GPRC5A: variants seen among roughly 807,000 people sequenced by gnomAD.
The protein encoded by GPRC5A is G protein-coupled receptor class C group 5 member A, also known as retinoic acid-induced protein 3.
Under a neutral mutation model 22.5 loss-of-function variants are expected in GPRC5A, and 19 were observed. The observed-to-expected ratio is 0.85, with a 90% CI of 0.59 to 1.24. The LOEUF (loss-of-function observed/expected upper bound fraction) is 1.24. Among genes scored for constraint, GPRC5A ranks in the 50% most tolerant of loss-of-function variants. GPRC5A has a pLI of 0.00. For synonymous variants in GPRC5A, 192 were observed against 184.5 expected (o/e 1.04, Z -0.33); for missense variants, 471 against 451.1 (o/e 1.04, Z -0.40).
At chr12:12,898,134 T>C (rs1183059864) in intron 1 of GPRC5A, among the ~76,000 whole-genome samples, 2 of 152,168 alleles carry the variant, frequency 1.3e-5, no homozygotes, top group Non-Finnish European at 2.9e-5. Context: ...GAGCCTGGCT[T>C]TTAAGAGTCA....
chr12:12,896,460 A>G (rs534775445), intron 1 of GPRC5A, among the ~76,000 whole-genome samples: 23 of 152,368 alleles, frequency 1.5e-4, no homozygotes, highest in Non-Finnish European at 2.4e-4. Context: ...CTTTGCATTT[A>G]TAAATAATCC....
chr12:12,907,741 C>G (rs766913933), intron 1 of GPRC5A, among the ~76,000 whole-genome samples: 12 of 152,158 alleles, frequency 7.9e-5, no homozygotes, highest in Admixed American at 2.6e-4. Flanking sequence ...CAGCGATATT[C>G]CCACCTCAGC....
intron 2 of GPRC5A, among the ~76,000 whole-genome samples, chr12:12,910,514 A>G (rs1454304419): frequency 3.9e-5 from 6 of 152,078 alleles, no homozygotes; most frequent in Non-Finnish European, 8.8e-5. Flanking sequence ...GAGCCACCCC[A>G]TCCCATCAAA....
At chr12:12,900,197 C>T (rs1274770721) in intron 1 of GPRC5A, among the ~76,000 whole-genome samples, 1 of 152,202 alleles carries the variant, frequency 6.6e-6, no homozygotes, top group Non-Finnish European at 1.5e-5. Context: ...ACCCTTCAAC[C>T]TTACCTCTAG....
rs1400341547 is a variant in GPRC5A at position 12,917,815 on chromosome 12, G to A, written c.*5276G>A. On this transcript the variant is annotated 3_prime_UTR_variant, in exon 4 of 4. Transcript: ENST00000014914. ...CCCATCCCCATGAGACAAGACTGAT[G>A]GAAAGGGTGGTGGGGCAACACTGCT... 6.6e-6 allele frequency: 1 copy of A among 152,222 alleles called. No homozygotes were observed. Among genetic ancestry groups the A allele is most frequent in the Admixed American group, 6.5e-5 (1 of 15,280 alleles). 9.4% of individuals were successfully genotyped at this position (152,222 alleles called of 1,614,324 possible). A position where few individuals can be genotyped will look rare whatever the true frequency, so the allele number is the denominator to read the frequency against.
chr12:12,911,253 G>C (rs556458890), intron 2 of GPRC5A, among the ~76,000 whole-genome samples: 169 of 152,222 alleles, frequency 1.1e-3, no homozygotes, highest in Non-Finnish European at 2.0e-3. Flanking sequence ...GAATTGCTTT[G>C]AACTGCATTC....
At chr12:12,899,463 G>C (rs1468233143) in intron 1 of GPRC5A, among the ~76,000 whole-genome samples, 1 of 152,164 alleles carries the variant, frequency 6.6e-6, no homozygotes, top group African/African-American at 2.4e-5. Context: ...GAGGTGAAAA[G>C]GAGGATTGAA....
chr12:12,902,229 C>T (rs1863895397), intron 1 of GPRC5A, among the ~76,000 whole-genome samples: 1 of 151,948 alleles, frequency 6.6e-6, no homozygotes, highest in South Asian at 2.1e-4. Context: ...ACATTTTAGA[C>T]TTGTTGAGCA....
Position 12,909,123 on chromosome 12 carries a change from A to G in GPRC5A, c.874A>G (p.Ser292Gly). The change falls in exon 2 of 4, where the codon AGC becomes GGC. Residue 292 changes from serine to glycine, a missense_variant. By Grantham distance (56) the Ser-to-Gly change is moderately conservative. Transcript: ENST00000014914. ...CTGTAAACCTCAACTCGTGAAGAAGAGCTATGGTGTGGAGAACAGAGCCTA... is the reference window on the plus strand; with the variant it reads ...CTGTAAACCTCAACTCGTGAAGAAGGGCTATGGTGTGGAGAACAGAGCCTA... ...AFCKPQLVKK[S>G]YGVENRAYSQ... The G allele has an allele frequency of 6.2e-7, 1 of 1,600,144 alleles. No homozygotes were observed.
rs1320356305 is a variant in GPRC5A at position 12,916,688 on chromosome 12, C to G, written c.*4149C>G. 1 of 152,192 alleles carries G rather than the reference C, an allele frequency of 6.6e-6. No homozygotes were observed. 9.4% of individuals were successfully genotyped at this position (152,192 alleles called of 1,614,324 possible). A position where few individuals can be genotyped will look rare whatever the true frequency, so the allele number is the denominator to read the frequency against. ...AAGGTATTTCCAGTCCATTTGCATCCAATCTGGCATCTTTACGGAGAGCGG... is the reference window on the plus strand; with the variant it reads ...AAGGTATTTCCAGTCCATTTGCATCGAATCTGGCATCTTTACGGAGAGCGG... On this transcript the variant is annotated 3_prime_UTR_variant, in exon 4 of 4. Transcript: ENST00000014914.
intron 1 of GPRC5A, among the ~76,000 whole-genome samples, chr12:12,899,224 C>A (rs879755021): frequency 1.3e-5 from 2 of 151,982 alleles, no homozygotes; most frequent in African/African-American, 4.8e-5. Flanking sequence ...TTTTGTACAG[C>A]GGGGGTCTCA....
intron 2 of GPRC5A, among the ~76,000 whole-genome samples, chr12:12,911,289 G>A (rs1177790269): frequency 6.6e-6 from 1 of 152,120 alleles, no homozygotes; most frequent in African/African-American, 2.4e-5. Flanking sequence ...GTTTATCCTT[G>A]TTTCCCAAGC....
intron 1 of GPRC5A, among the ~76,000 whole-genome samples, chr12:12,902,979 A>T (rs938336016): frequency 3.3e-5 from 5 of 152,136 alleles, no homozygotes; most frequent in Non-Finnish European, 5.9e-5. Context: ...AGGTAGGAGA[A>T]CCGCTTGAAC....
At chr12:12,900,923 A>AAAAACAC in intron 1 of GPRC5A, among the ~76,000 whole-genome samples, 1 of 109,992 alleles carries the variant, frequency 9.1e-6, no homozygotes, top group Non-Finnish European at 1.9e-5. Context: ...ACAAAAAAAA[A>AAAAACAC]ACAACCCAGA....
chr12:12,898,869 T>C (rs1468987774), intron 1 of GPRC5A, among the ~76,000 whole-genome samples: 2 of 152,210 alleles, frequency 1.3e-5, no homozygotes, highest in Non-Finnish European at 2.9e-5. Flanking sequence ...CCCTAAAGCA[T>C]TAAACATTAA....
In GPRC5A at chr12:12,891,595, G is replaced by A. The variant is rs1565461651; in HGVS notation, c.-77G>A. ...TGTCCAAGGTCTCCCCCAGCACTGA[G>A]GAGCTCGCCTGCTGCCCTCTTGCGC... is the stretch of plus-strand genomic sequence containing the variant. On this transcript the variant is annotated 5_prime_UTR_variant, in exon 1 of 4. Transcript: ENST00000014914. 1 of 152,284 alleles carries A rather than the reference G, an allele frequency of 6.6e-6. No individual in the cohort carries two copies. Among genetic ancestry groups the A allele is most frequent in the Non-Finnish European group, 1.5e-5 (1 of 68,110 alleles). 9.4% of individuals were successfully genotyped at this position (152,284 alleles called of 1,614,324 possible). A position where few individuals can be genotyped will look rare whatever the true frequency, so the allele number is the denominator to read the frequency against.
chr12:12,911,488 CTT>C (rs985574641), intron 2 of GPRC5A, among the ~76,000 whole-genome samples: 22 of 142,448 alleles, frequency 1.5e-4, no homozygotes, highest in East Asian at 2.0e-4. Context: ...ATGACTTTTT[CTT>C]TTTTTTTTTT....
In GPRC5A at chr12:12,915,947, T is replaced by C; in HGVS notation, c.*3408T>C. On this transcript the variant is annotated 3_prime_UTR_variant, in exon 4 of 4. Coordinates refer to ENST00000014914, the MANE Select transcript of GPRC5A (RefSeq NM_003979.4). Reference sequence around the variant, plus strand: ...TTTGAGCAGTACCTGTCACCCCTCCTCCCACTGCTGCGGCTGTTAACTCAT... The same window carrying C: ...TTTGAGCAGTACCTGTCACCCCTCCCCCCACTGCTGCGGCTGTTAACTCAT... 2.0e-6 allele frequency: 1 copy of C among 489,314 alleles called. No individual in the cohort carries two copies. Among genetic ancestry groups the C allele is most frequent in the African/African-American group, 2.0e-5 (1 of 50,778 alleles). 30.3% of individuals were successfully genotyped at this position (489,314 alleles called of 1,614,324 possible).
intron 1 of GPRC5A, among the ~76,000 whole-genome samples, chr12:12,906,784 G>A (rs1418204041): frequency 6.6e-6 from 1 of 151,700 alleles, no homozygotes; most frequent in Non-Finnish European, 1.5e-5. Flanking sequence ...GCCGGGCACG[G>A]TGGCTCACAC....
Sources: gnomAD v4.1 joint callset for allele counts (sites outside exome capture counted in the v4.1 genomes callset) on GRCh38, gnomAD v4.1.1 for gene constraint, MANE v1.5 for transcripts, NCBI Gene and HGNC (gene_info 2026-07-23, HGNC 2026-07-21) for gene names.